The following MCCC2 variants were observed in gnomAD, a reference collection of about 807,000 sequenced individuals.
The protein encoded by MCCC2 is methylcrotonoyl-CoA carboxylase beta chain, mitochondrial.
MCCC2 carries 52 observed loss-of-function variants against 77.2 expected under a neutral mutation model. The ratio of observed to expected loss-of-function variants is 0.67; its 90% CI spans 0.54 to 0.85. The LOEUF (loss-of-function observed/expected upper bound fraction) is 0.85. Ranked by LOEUF, MCCC2 falls within the 40% of genes least tolerant of loss-of-function variation. The pLI is 0.00. For synonymous variants in MCCC2, 253 were observed against 248.4 expected, an observed-to-expected ratio of 1.02 and a Z score of -0.18; for missense variants, 682 against 703.2, an observed-to-expected ratio of 0.97 and a Z score of 0.34.
intron 13 of MCCC2, 121 bp downstream of exon 13, chr5:71,646,398 A>G (rs1269649735): frequency 8.3e-6 from 7 of 846,862 alleles, no homozygotes; most frequent in East Asian, 2.6e-5. Context: ...TCTACTGGAC[A>G]TGCTCTTTCT....
rs112908556 is a variant in MCCC2 at position 71,656,937 on chromosome 5, C to A, written c.*77C>A. Reference sequence around the variant, plus strand: ...AGTAGCCTTAAAATTTTAGACTTCTCGAACATGAGGCTGTTACAGTAATTT... The same window carrying A: ...AGTAGCCTTAAAATTTTAGACTTCTAGAACATGAGGCTGTTACAGTAATTT... On this transcript the variant is annotated 3_prime_UTR_variant, in exon 17 of 17. Coordinates refer to ENST00000340941, the MANE Select transcript of MCCC2 (RefSeq NM_022132.5). 2.8e-6 allele frequency: 3 copies of A among 1,078,938 alleles called. No individual in the cohort carries two copies. The highest frequency in any genetic ancestry group is 3.1e-5 in the African/African-American group (2 of 64,522). 66.8% of individuals were successfully genotyped at this position (1,078,938 alleles called of 1,614,324 possible). A position where few individuals can be genotyped will look rare whatever the true frequency, so the allele number is the denominator to read the frequency against.
chr5:71,597,932 C>T (rs190232989), intron 3 of MCCC2, among the ~76,000 whole-genome samples: 134 of 152,274 alleles, frequency 8.8e-4, no homozygotes, highest in Non-Finnish European at 1.5e-3. Flanking sequence ...ATGAAGCTCC[C>T]GGCTCTGCCC....
chr5:71,591,716 C>T (rs1456285034), intron 1 of MCCC2, among the ~76,000 whole-genome samples: 4 of 151,802 alleles, frequency 2.6e-5, no homozygotes, highest in African/African-American at 4.8e-5. Flanking sequence ...AGATTACAGG[C>T]GTGAGCCACC....
intron 1 of MCCC2, among the ~76,000 whole-genome samples, chr5:71,592,559 G>A (rs1745020959): frequency 6.6e-6 from 1 of 152,088 alleles, no homozygotes. Flanking sequence ...CCTTAAAATA[G>A]GAAAACAAAT....
intron 6 of MCCC2, among the ~76,000 whole-genome samples, chr5:71,619,916 G>A (rs1315973126): frequency 2.0e-5 from 3 of 151,906 alleles, no homozygotes; most frequent in African/African-American, 7.3e-5. Flanking sequence ...GCTTGGACCC[G>A]GGAGGTGGAG....
chr5:71,597,811 T>G (rs889128822), intron 3 of MCCC2, among the ~76,000 whole-genome samples: 7 of 152,210 alleles, frequency 4.6e-5, no homozygotes, highest in African/African-American at 1.7e-4. Context: ...CGTACTAAAT[T>G]TGCTGTTTTG....
chr5:71,613,021 T>C (rs1402899400), intron 6 of MCCC2, among the ~76,000 whole-genome samples: 10 of 152,248 alleles, frequency 6.6e-5, no homozygotes. Context: ...CCCTGGCTTA[T>C]GGCTACCTCC....
rs373710310 is a variant in MCCC2, at chr5:71,610,277, G to A, written c.624+5809G>A. On this transcript the variant is annotated intron_variant, in intron 6 of 16. Transcript: ENST00000340941. ...GCGGGATATAATCTCCTGGTGCGCC[G>A]TTTTTTAAGCTGGTCCGAAAAGCGC... Among the ~76,000 whole-genome samples, 118 of 152,326 alleles carry A rather than the reference G, an allele frequency of 7.7e-4. 3 individuals carry two copies. In the South Asian group the frequency reaches 0.022, roughly 28 times the overall value.
At chr5:71,593,098 T>TA in intron 2 of MCCC2, 106 bp downstream of exon 2, 1 of 1,069,998 alleles carries the variant, frequency 9.3e-7, no homozygotes, top group Non-Finnish European at 1.4e-6. Context: ...TATTTTTTTT[T>TA]TTTTTTTGAG....
At chr5:71,590,021 A>T (rs1400197146) in intron 1 of MCCC2, among the ~76,000 whole-genome samples, 1 of 152,206 alleles carries the variant, frequency 6.6e-6, no homozygotes, top group Non-Finnish European at 1.5e-5. Context: ...GCTCCAATTC[A>T]TTATGACTGT....
chr5:71,614,186 T>A (rs1038347247), intron 6 of MCCC2, among the ~76,000 whole-genome samples: 1 of 152,106 alleles, frequency 6.6e-6, no homozygotes, highest in Non-Finnish European at 1.5e-5. Flanking sequence ...CCATAGTATC[T>A]GTTCTGAGCC....
Position 71,656,994 on chromosome 5 carries a change from TA to T in MCCC2, c.*141del, listed in dbSNP as rs879401141. The T allele has an allele frequency of 5.9e-6, 4 of 680,302 alleles. No homozygotes were observed. Among genetic ancestry groups the T allele is most frequent in the African/African-American group, 3.6e-5 (2 of 55,186 alleles). The allele number at this position is 680,302 out of a possible 1,614,324, so 42.1% of individuals were successfully genotyped here. On this transcript the variant is annotated 3_prime_UTR_variant, in exon 17 of 17. Coordinates refer to ENST00000340941, the MANE Select transcript of MCCC2 (RefSeq NM_022132.5). ...CACTGTGCATTGTACTTTTCTACCT[TA>T]AAAAAATCAGTGAGGATATTTATTT...
intron 5 of MCCC2, among the ~76,000 whole-genome samples, 153 bp from the exon 6 acceptor site, chr5:71,604,203 G>A (rs1349269326): frequency 6.6e-6 from 1 of 152,158 alleles, no homozygotes; most frequent in Non-Finnish European, 1.5e-5. Context: ...TGCATTGGGG[G>A]TTTGGAGAAC....
At chr5:71,650,830 T>C (rs1747418322) in intron 15 of MCCC2, among the ~76,000 whole-genome samples, 1 of 152,140 alleles carries the variant, frequency 6.6e-6, no homozygotes, top group South Asian at 2.1e-4. Context: ...TTTGTATTTT[T>C]AGTAGAGATG....
chr5:71,646,508 T>C (rs1747278871), intron 13 of MCCC2, among the ~76,000 whole-genome samples: 1 of 152,194 alleles, frequency 6.6e-6, no homozygotes, highest in Non-Finnish European at 1.5e-5. Flanking sequence ...CCTACAGGCA[T>C]GTGCCACCAT....
intron 6 of MCCC2, among the ~76,000 whole-genome samples, chr5:71,615,270 A>G (rs11950213): frequency 2.6e-5 from 4 of 152,176 alleles, no homozygotes; most frequent in African/African-American, 9.7e-5. Context: ...CGCCCAGCCA[A>G]CATTCTTAAG....
intron 2 of MCCC2, among the ~76,000 whole-genome samples, chr5:71,594,529 A>AG (rs968994421): frequency 4.7e-5 from 7 of 147,594 alleles, no homozygotes; most frequent in Admixed American, 4.7e-4. Context: ...TTCCGTCTCA[A>AG]AAAAAAAAAA....
chr5:71,598,352 A>C (rs1015658009), intron 3 of MCCC2, among the ~76,000 whole-genome samples: 1 of 152,088 alleles, frequency 6.6e-6, no homozygotes, highest in Non-Finnish European at 1.5e-5. Context: ...TACAGGCATG[A>C]GCCACCACAC....
chr5:71,591,668 C>T lies in MCCC2; in HGVS notation c.130-1258C>T, dbSNP rs183752482. ...GTCAGGCTGGTCTCGAACTCCCGAC[C>T]GTAGGTGATCTGCCCGCCTCGGCCT... On this transcript the variant is annotated intron_variant, in intron 1 of 16. Coordinates refer to ENST00000340941, the MANE Select transcript of MCCC2 (RefSeq NM_022132.5). Among the ~76,000 whole-genome samples the T allele has an allele frequency of 1.0e-3, 152 of 152,164 alleles. 2 individuals carry two copies. The highest frequency in any genetic ancestry group is 6.8e-3 in the Middle Eastern group (2 of 294).
Sources: allele counts gnomAD v4.1 joint callset (sites outside exome capture counted in the v4.1 genomes callset), GRCh38; gene constraint gnomAD v4.1.1; transcripts MANE v1.5; gene names NCBI Gene and HGNC (gene_info 2026-07-23, HGNC 2026-07-21).